Variants in SUCLG2 observed in about 807,000 individuals in gnomAD.
SUCLG2 encodes the protein succinate--CoA ligase [GDP-forming] subunit beta, mitochondrial.
SUCLG2 carries 42 observed loss-of-function variants against 47.9 expected under a neutral mutation model. The ratio of observed to expected loss-of-function variants is 0.88; its 90% CI spans 0.69 to 1.14. The LOEUF (loss-of-function observed/expected upper bound fraction) is 1.14, where lower values mean the gene tolerates loss of function less well. Among genes scored for constraint, SUCLG2 ranks in the 50% most tolerant of loss-of-function variants. The pLI, the probability that SUCLG2 is intolerant of heterozygous loss-of-function variation, is 0.00. For missense variants in SUCLG2, 571 were observed against 525.9 expected, an observed-to-expected ratio of 1.09 and a Z score of -0.84; for synonymous variants, 195 against 197.3, an observed-to-expected ratio of 0.99 and a Z score of 0.10.
At chr3:67,619,134 T>C (rs754059981) in intron 1 of SUCLG2, among the ~76,000 whole-genome samples, 1 of 152,376 alleles carries the variant, frequency 6.6e-6, no homozygotes, top group Admixed American at 6.5e-5. Flanking sequence ...GTTGCTATTT[T>C]AGAATTCATT....
chr3:67,585,886 G>A (rs917110222), intron 2 of SUCLG2, among the ~76,000 whole-genome samples: 20 of 140,716 alleles, frequency 1.4e-4, no homozygotes, highest in Middle Eastern at 4.0e-3. Context: ...AGAATCGCTC[G>A]AACCCAGGAG....
At chr3:67,601,720 C>G (rs2107298373) in intron 2 of SUCLG2, among the ~76,000 whole-genome samples, 1 of 152,204 alleles carries the variant, frequency 6.6e-6, no homozygotes, top group South Asian at 2.1e-4. Flanking sequence ...CCAACTTGGC[C>G]TCCCAAAGGC....
rs558950693 is a variant in SUCLG2, at chr3:67,404,373, A to G, written c.1063-3522T>C. On this transcript the variant is annotated intron_variant, in intron 9 of 10. Coordinates refer to ENST00000307227, the MANE Select transcript of SUCLG2 (RefSeq NM_003848.4). ...GAGAGAGAATGAGTGAACAAGAAGC[A>G]GTAAAGAGAAGGCATGAGAGAACAC... Among the ~76,000 whole-genome samples, 235 of 152,144 alleles carry G rather than the reference A, an allele frequency of 1.5e-3. 1 individual carries two copies. Among genetic ancestry groups the G allele is most frequent in the Non-Finnish European group, 3.1e-3 (209 of 68,014 alleles).
At position 67,528,154 on chromosome 3, in the gene SUCLG2, T is replaced by C; in HGVS notation, c.395A>G (p.Lys132Arg). The C allele has an allele frequency of 1.9e-6, 3 of 1,613,866 alleles. No individual in the cohort carries two copies. Among genetic ancestry groups the C allele is most frequent in the Non-Finnish European group, 2.5e-6 (3 of 1,179,844 alleles). The change falls in exon 4 of 11, where the codon AAA becomes AGA. Residue 132 changes from lysine to arginine, a missense_variant. By Grantham distance (26) the Lys-to-Arg change is conservative (BLOSUM62 2). Transcript: ENST00000307227. ...GYNLATKQTP[K>R]EGVKVNKVMV... is the part of the protein sequence containing the mutation. ...TACCTTGTTAACTTTCACACCTTCT[T>C]TTGGAGTTTGTTTTGTCGCTAGATT...
intron 10 of SUCLG2, among the ~76,000 whole-genome samples, chr3:67,384,541 T>A (rs936587373): frequency 6.6e-6 from 1 of 152,224 alleles, no homozygotes; most frequent in Non-Finnish European, 1.5e-5. Context: ...AGAAAAAGTT[T>A]GTAGACCTTT....
intron 9 of SUCLG2, among the ~76,000 whole-genome samples, chr3:67,481,636 T>C (rs1704919367): frequency 6.6e-6 from 1 of 152,196 alleles, no homozygotes; most frequent in South Asian, 2.1e-4. Flanking sequence ...CAAATCTCAG[T>C]AAACCTAGAG....
At chr3:67,395,362 G>A (rs568205969) in intron 10 of SUCLG2, among the ~76,000 whole-genome samples, 117 of 152,114 alleles carry the variant, frequency 7.7e-4, no homozygotes, top group African/African-American at 2.8e-3. Flanking sequence ...AAAAAGGCAG[G>A]GGTTGCAATC....
chr3:67,484,153 G>A (rs189593441), intron 9 of SUCLG2, among the ~76,000 whole-genome samples: 5 of 152,136 alleles, frequency 3.3e-5, no homozygotes, highest in African/African-American at 4.8e-5. Context: ...TTTCCTGTAC[G>A]CATTGCCTCT....
At chr3:67,372,341 T>C (rs2106751216), downstream of SUCLG2, among the ~76,000 whole-genome samples, 1 of 152,300 alleles carries the variant, frequency 6.6e-6, no homozygotes. Context: ...TCCTCACTGG[T>C]AAAATGGATA....
chr3:67,494,477 T>A lies in SUCLG2; in HGVS notation c.1062+1321A>T, dbSNP rs574818207. Among the ~76,000 whole-genome samples, 781 of 151,804 alleles carry A rather than the reference T, an allele frequency of 5.1e-3. 6 individuals are homozygous for A. The highest frequency in any genetic ancestry group is 0.017 in the African/African-American group (721 of 41,274). ...CAGCAAGACAAAAAATAAAAAAAAA[T>A]TGGCCAGGCATGGTGGCATGCACCT... On this transcript the variant is annotated intron_variant, in intron 9 of 10. Coordinates refer to ENST00000307227, the MANE Select transcript of SUCLG2 (RefSeq NM_003848.4).
Position 67,542,169 on chromosome 3 carries a change from C to T in SUCLG2, c.227-12983G>A, listed in dbSNP as rs180798358. ...GATTACAGGCGTGAGCCACCATGCC[C>T]GGCCCTCAACATTCTTAAAGAAAAG... On this transcript the variant is annotated intron_variant, in intron 2 of 10. Transcript: ENST00000307227. Among the ~76,000 whole-genome samples the T allele has an allele frequency of 6.3e-4, 96 of 152,228 alleles. 2 individuals are homozygous for T. In the East Asian group the frequency reaches 0.016, roughly 26 times the overall value.
intron 7 of SUCLG2, among the ~76,000 whole-genome samples, chr3:67,506,960 G>A (rs1187880758): frequency 6.6e-6 from 1 of 152,144 alleles, no homozygotes; most frequent in African/African-American, 2.4e-5. Context: ...GGACTCAGAG[G>A]GACATGGGTT....
At chr3:67,580,372 T>A (rs1707850969) in intron 2 of SUCLG2, among the ~76,000 whole-genome samples, 1 of 152,178 alleles carries the variant, frequency 6.6e-6, no homozygotes, top group Non-Finnish European at 1.5e-5. Flanking sequence ...AGTGATTACA[T>A]CTGGGTGGGA....
intron 9 of SUCLG2, among the ~76,000 whole-genome samples, chr3:67,453,244 T>C (rs1704100378): frequency 6.6e-6 from 1 of 152,168 alleles, no homozygotes; most frequent in Non-Finnish European, 1.5e-5. Context: ...ATGAGTATTT[T>C]CTTTTAATTC....
In SUCLG2 at chr3:67,524,152, G is replaced by C. The variant is rs146570665; in HGVS notation, c.418-3518C>G. On this transcript the variant is annotated intron_variant, in intron 4 of 10. Transcript: ENST00000307227. ...ACAGAGTATATTAGGAAGTGTTACA[G>C]AGAAATCTAAATGGAATCCACAAAC... Among the ~76,000 whole-genome samples, 808 of 152,312 alleles carry C rather than the reference G, an allele frequency of 5.3e-3. 9 individuals carry two copies. Among genetic ancestry groups the C allele is most frequent in the African/African-American group, 0.019 (780 of 41,574 alleles).
At chr3:67,617,355 A>G (rs1700648441) in intron 1 of SUCLG2, among the ~76,000 whole-genome samples, 1 of 152,228 alleles carries the variant, frequency 6.6e-6, no homozygotes, top group African/African-American at 2.4e-5. Flanking sequence ...AACATGCTAC[A>G]GAAATAGGTA....
downstream of SUCLG2, among the ~76,000 whole-genome samples, chr3:67,373,622 T>C (rs536869466): frequency 6.6e-6 from 1 of 152,292 alleles, no homozygotes; most frequent in South Asian, 2.1e-4. Flanking sequence ...AGGAATAGGT[T>C]ACTGACCTGA....
chr3:67,414,678 A>G (rs9882263), intron 9 of SUCLG2, among the ~76,000 whole-genome samples: 13,043 of 152,232 alleles, frequency 0.086, 669 homozygotes, highest in African/African-American at 0.14. Context: ...CTTACTAGAC[A>G]AAATGTATCT....
intron 10 of SUCLG2, among the ~76,000 whole-genome samples, chr3:67,391,678 C>G (rs751358561): frequency 6.6e-6 from 1 of 152,116 alleles, no homozygotes; most frequent in Non-Finnish European, 1.5e-5. Flanking sequence ...AGATTTGCTG[C>G]TAACACCCAG....
Sources: gnomAD v4.1 joint callset for allele counts (sites outside exome capture counted in the v4.1 genomes callset) on GRCh38, gnomAD v4.1.1 for gene constraint, MANE v1.5 for transcripts, NCBI Gene and HGNC (gene_info 2026-07-23, HGNC 2026-07-21) for gene names.